Variants in ZFHX3 observed in about 807,000 individuals in gnomAD.
ZFHX3 encodes the protein zinc finger homeobox protein 3.
Under a neutral mutation model 279.1 loss-of-function variants are expected in ZFHX3, and 42 were observed. The observed-to-expected ratio is 0.15, with a 90% confidence interval of 0.12 to 0.19. The LOEUF (loss-of-function observed/expected upper bound fraction) is 0.19, where lower values mean the gene tolerates loss of function less well. ZFHX3 is among the 10% of genes least tolerant of loss of function. The pLI, the probability that ZFHX3 is intolerant of heterozygous loss-of-function variation, is 1.00. For missense variants in ZFHX3, 4,981 were observed against 4,754.0 expected (o/e 1.05, Z -1.40); for synonymous variants, 2,293 against 1,957.8 (o/e 1.17, Z -4.52).
intron 1 of ZFHX3, among the ~76,000 whole-genome samples, chr16:73,029,057 G>A (rs1964607312): frequency 1.3e-5 from 2 of 152,142 alleles, no homozygotes; most frequent in Admixed American, 6.5e-5. Context: ...GGAGCCAAGT[G>A]CACCTTCCTC....
chr16:73,596,531 T>C (rs1215755377), intron 2 of ZFHX3, among the ~76,000 whole-genome samples: 1 of 152,084 alleles, frequency 6.6e-6, no homozygotes, highest in Non-Finnish European at 1.5e-5. Flanking sequence ...TCTTTCAGCC[T>C]TCCCTGATGG....
intron 1 of ZFHX3, among the ~76,000 whole-genome samples, chr16:72,976,909 C>G (rs117219049): frequency 6.6e-6 from 1 of 152,188 alleles, no homozygotes; most frequent in Non-Finnish European, 1.5e-5. Context: ...CTAACCCCCA[C>G]GGGGGTCTCG....
At position 73,227,571 on chromosome 16, in the gene ZFHX3, G is replaced by A. The variant is rs1033248012; in HGVS notation, c.-1104+29476C>T. 5.3e-5 allele frequency among the ~76,000 whole-genome samples: 8 copies of A among 152,166 alleles called. No homozygotes were observed. The South Asian group carries it at 1.7e-3, about 32-fold the overall frequency. On this transcript the variant is annotated intron_variant, in intron 5 of 17. Transcript: ENST00000641206. ...AAGGCAAAAACATCCAAGCTAGACC[G>A]GGCGCAGTGGCTGACATCTGTAATC...
At chr16:72,973,890 C>T (rs1429861547) in intron 1 of ZFHX3, 3 of 152,036 alleles carry the variant, frequency 2.0e-5, no homozygotes, top group East Asian at 1.9e-4. Context: ...AAACTCTACT[C>T]GGAAGGAGAA....
intron 1 of ZFHX3, among the ~76,000 whole-genome samples, chr16:73,773,485 G>T (rs1303642353): frequency 2.0e-5 from 3 of 152,204 alleles, no homozygotes; most frequent in African/African-American, 7.2e-5. Flanking sequence ...CTGTCTCTGG[G>T]GATAAGCAGT....
intron 4 of ZFHX3, among the ~76,000 whole-genome samples, chr16:72,875,986 T>C (rs1215893198): frequency 6.6e-6 from 1 of 152,186 alleles, no homozygotes; most frequent in Non-Finnish European, 1.5e-5. Context: ...AATGAGCTTA[T>C]TTTTCTGTCC....
chr16:72,965,078 C>A (rs1961769627), intron 1 of ZFHX3, among the ~76,000 whole-genome samples: 1 of 152,194 alleles, frequency 6.6e-6, no homozygotes, highest in Non-Finnish European at 1.5e-5. Flanking sequence ...GGGGTTTCAC[C>A]ATGTTGGCCA....
At chr16:73,241,702 A>G (rs139221450) in intron 5 of ZFHX3, among the ~76,000 whole-genome samples, 2,362 of 149,978 alleles carry the variant, frequency 0.016, 52 homozygotes, top group African/African-American at 0.047. Flanking sequence ...AGGCAGGAGA[A>G]TCGCTTGAAC....
rs945982970 is a variant in ZFHX3 at position 72,797,214 on chromosome 16, G to C, written c.5468C>G (p.Thr1823Arg). Residue 1823 changes from threonine to arginine, a missense_variant, in exon 9 of 10, where the codon ACA becomes AGA. Physicochemically the swap from Thr to Arg is moderately conservative, Grantham distance 71 (BLOSUM62 -1). Around this residue, in one of 7 missense-constraint regions of ZFHX3, gnomAD observed 1,751 missense variants for 1,770.0 expected, o/e 0.99. Transcript: ENST00000268489. ...VSLPVTSGAL[T>R]LTGTGPGLLE... ...CAGGCCTGGGCCTGTCCCAGTCAGT[G>C]TCAGTGCCCCACTGGTCACTGGCAA... 6.2e-7 allele frequency: 1 copy of C among 1,614,092 alleles called. No homozygotes were observed. The highest frequency in any genetic ancestry group is 1.7e-5 in the Admixed American group (1 of 60,016).
At chr16:73,350,588 C>T (rs561265533) in intron 3 of ZFHX3, among the ~76,000 whole-genome samples, 3 of 152,308 alleles carry the variant, frequency 2.0e-5, no homozygotes, top group East Asian at 1.9e-4. Flanking sequence ...CTTCAGGTAG[C>T]GAAGACTCAA....
intron 4 of ZFHX3, among the ~76,000 whole-genome samples, chr16:73,281,008 G>GAGAAAGGAGA (rs1344947232): frequency 9.7e-5 from 7 of 72,374 alleles, no homozygotes; most frequent in Non-Finnish European, 2.1e-4. Flanking sequence ...GGGAAATGAA[G>GAGAAAGGAGA]GGAAAGGAGA....
intron 1 of ZFHX3, among the ~76,000 whole-genome samples, chr16:73,832,203 T>C (rs531258934): frequency 1.4e-5 from 2 of 147,424 alleles, no homozygotes; most frequent in East Asian, 3.9e-4. Flanking sequence ...CGACCTCATA[T>C]GCTTTTTTTT....
intron 3 of ZFHX3, among the ~76,000 whole-genome samples, chr16:73,398,308 G>C (rs2017172403): frequency 6.6e-6 from 1 of 152,164 alleles, no homozygotes; most frequent in South Asian, 2.1e-4. Context: ...GGGAGAAAAA[G>C]AGGAGAAGAC....
intron 5 of ZFHX3, among the ~76,000 whole-genome samples, chr16:73,216,190 TG>T (rs1847946949): frequency 6.6e-6 from 1 of 152,208 alleles, no homozygotes; most frequent in African/African-American, 2.4e-5. Context: ...AGCATTATTG[TG>T]GCAGTCGCTG....
At chr16:73,754,381 G>C (rs1287168444) in intron 1 of ZFHX3, among the ~76,000 whole-genome samples, 2 of 152,084 alleles carry the variant, frequency 1.3e-5, no homozygotes, top group African/African-American at 4.8e-5. Flanking sequence ...CCCAGTTCTT[G>C]ACTCCGGGAA....
chr16:73,575,772 G>T (rs190342624), intron 2 of ZFHX3, among the ~76,000 whole-genome samples: 148 of 152,230 alleles, frequency 9.7e-4, no homozygotes, highest in African/African-American at 3.5e-3. Flanking sequence ...CATGCCGCGG[G>T]GCTGTTAGGT....
intron 3 of ZFHX3, among the ~76,000 whole-genome samples, chr16:73,377,613 G>A (rs72799433): frequency 0.1 from 15,655 of 151,590 alleles, 861 homozygotes; most frequent in Non-Finnish European, 0.13. Context: ...GTACTCAGCC[G>A]TATGAACATA....
chr16:73,689,885 T>C (rs2053131434), intron 1 of ZFHX3, among the ~76,000 whole-genome samples: 1 of 151,132 alleles, frequency 6.6e-6, no homozygotes, highest in Non-Finnish European at 1.5e-5. Context: ...AGTGCAGTGG[T>C]GCACGCTCAC....
intron 2 of ZFHX3, among the ~76,000 whole-genome samples, chr16:73,621,562 G>A (rs2095999677): frequency 6.6e-6 from 1 of 152,128 alleles, no homozygotes; most frequent in Non-Finnish European, 1.5e-5. Context: ...ACAAATAGTG[G>A]CTCCTGGCTA....
Sources: gnomAD v4.1 joint callset for allele counts (sites outside exome capture counted in the v4.1 genomes callset) on GRCh38, gnomAD v4.1.1 for gene constraint, gnomAD v4.1.1 regional missense constraint, MANE v1.5 for transcripts, NCBI Gene and HGNC (gene_info 2026-07-23, HGNC 2026-07-21) for gene names.